MGAT4C: variants seen among roughly 807,000 people sequenced by gnomAD.
MGAT4C encodes the protein MGAT4 family member C, also known as alpha-1,3-mannosyl-glycoprotein 4-beta-N-acetylglucosaminyltransferase C.
In MGAT4C, 19 loss-of-function variants were observed where a neutral mutation model predicts 40.1. That is an observed-to-expected ratio of 0.47 (90% CI 0.33 to 0.70). The LOEUF (loss-of-function observed/expected upper bound fraction) is 0.70, where lower values mean the gene tolerates loss of function less well. MGAT4C is among the 30% of genes least tolerant of loss of function. The pLI is 0.02. For synonymous variants in MGAT4C, 181 were observed against 187.1 expected (o/e 0.97, Z 0.27); for missense variants, 491 against 563.2 (o/e 0.87, Z 1.30).
chr12:86,407,548 T>C (rs1415369542), intron 3 of MGAT4C, among the ~76,000 whole-genome samples: 3 of 152,110 alleles, frequency 2.0e-5, no homozygotes, highest in Admixed American at 1.3e-4. Flanking sequence ...TAGAAATGCA[T>C]ACTCTATTGT....
At chr12:86,568,124 T>C (rs75297473) in intron 2 of MGAT4C, among the ~76,000 whole-genome samples, 4,158 of 152,194 alleles carry the variant, frequency 0.027, 154 homozygotes, top group African/African-American at 0.086. Flanking sequence ...CAAAGCATTG[T>C]TCCTGGGTTT....
chr12:86,785,179 A>G (rs1951911471), intron 1 of MGAT4C, among the ~76,000 whole-genome samples: 1 of 152,074 alleles, frequency 6.6e-6, no homozygotes, highest in South Asian at 2.1e-4. Flanking sequence ...AAATATGAGA[A>G]AACTAAGCTA....
At chr12:86,706,851 G>A (rs1248378527) in intron 2 of MGAT4C, among the ~76,000 whole-genome samples, 1 of 152,134 alleles carries the variant, frequency 6.6e-6, no homozygotes, top group Non-Finnish European at 1.5e-5. Flanking sequence ...CACATGTTGT[G>A]GGAGGGACCT....
At chr12:86,805,596 T>A (rs934650042) in intron 1 of MGAT4C, among the ~76,000 whole-genome samples, 1 of 152,080 alleles carries the variant, frequency 6.6e-6, no homozygotes, top group African/African-American at 2.4e-5. Flanking sequence ...ATGTGCTACA[T>A]TTTCTTTATC....
intron 1 of MGAT4C, among the ~76,000 whole-genome samples, chr12:86,756,279 G>A (rs896669245): frequency 3.3e-5 from 5 of 152,086 alleles, no homozygotes; most frequent in Admixed American, 2.6e-4. Context: ...GCAGGATAAA[G>A]TTCTCTGGTA....
intron 2 of MGAT4C, among the ~76,000 whole-genome samples, chr12:86,047,626 T>A (rs1808903559): frequency 6.6e-6 from 1 of 151,994 alleles, no homozygotes; most frequent in South Asian, 2.1e-4. Flanking sequence ...TAGCAAATGC[T>A]CTCCCTCATA....
chr12:86,499,473 A>T (rs1958298244), intron 2 of MGAT4C, among the ~76,000 whole-genome samples: 1 of 151,796 alleles, frequency 6.6e-6, no homozygotes, highest in African/African-American at 2.4e-5. Context: ...CTAAGTGAGA[A>T]AACAAAACAA....
chr12:86,653,862 A>C lies in MGAT4C; in HGVS notation c.-229+73347T>G, dbSNP rs150478115. Among the ~76,000 whole-genome samples the C allele has an allele frequency of 8.7e-3, 1,325 of 152,098 alleles. 8 individuals are homozygous for C. Among genetic ancestry groups the C allele is most frequent in the Middle Eastern group, 0.017 (5 of 292 alleles). ...ATAAAATTAAATGTGGATTAAATTA[A>C]ATATCAATTTTAAAGGACATTTTTC... On this transcript the variant is annotated intron_variant, in intron 2 of 7. Coordinates refer to the MGAT4C transcript ENST00000548651.
In MGAT4C at chr12:86,101,877, G is replaced by T. The variant is rs73379414; in HGVS notation, c.-56-52154C>A. 3.5e-3 allele frequency among the ~76,000 whole-genome samples: 526 copies of T among 151,966 alleles called. 1 individual carries two copies. Among genetic ancestry groups the T allele is most frequent in the African/African-American group, 0.012 (512 of 41,530 alleles). On this transcript the variant is annotated intron_variant, in intron 1 of 4. Transcript: ENST00000611864. ...TTGTCTTTGTGAACTAAAATTAACA[G>T]GATCAAAGTCTTAAATTCCCAAGTT... is the stretch of plus-strand genomic sequence containing the variant.
At chr12:86,574,245 C>G (rs1413755104) in intron 2 of MGAT4C, among the ~76,000 whole-genome samples, 1 of 151,630 alleles carries the variant, frequency 6.6e-6, no homozygotes, top group East Asian at 1.9e-4. Flanking sequence ...TATCAAAGAG[C>G]CTTCAGTTCC....
chr12:86,106,483 T>C (rs536873332), intron 1 of MGAT4C, among the ~76,000 whole-genome samples: 2 of 152,220 alleles, frequency 1.3e-5, no homozygotes, highest in African/African-American at 2.4e-5. Flanking sequence ...TTACATTTAT[T>C]TGGTAAAGAC....
At chr12:86,162,380 A>C (rs527827382) in intron 1 of MGAT4C, among the ~76,000 whole-genome samples, 320 of 152,288 alleles carry the variant, frequency 2.1e-3, no homozygotes, top group African/African-American at 6.7e-3. Context: ...ATCTTAAGCA[A>C]ATTAATGAAG....
chr12:86,172,982 C>T (rs1478155550), intron 1 of MGAT4C, among the ~76,000 whole-genome samples: 1 of 151,920 alleles, frequency 6.6e-6, no homozygotes, highest in Non-Finnish European at 1.5e-5. Context: ...AAATTATATG[C>T]ATAGAGGGCC....
chr12:86,611,343 T>C (rs1376041195), intron 2 of MGAT4C, among the ~76,000 whole-genome samples: 2 of 151,708 alleles, frequency 1.3e-5, no homozygotes, highest in Non-Finnish European at 2.9e-5. Flanking sequence ...CACACACGTA[T>C]GATAGATAGA....
Position 86,799,430 on chromosome 12 carries a change from T to C in MGAT4C, c.-262+39236A>G, listed in dbSNP as rs1952186193. On this transcript the variant is annotated intron_variant, in intron 1 of 7. Coordinates refer to the MGAT4C transcript ENST00000548651. ...AGGAAGAATATTCTCTGACATGCAT[T>C]ATTTCCTATGTGGATACTGCAAAGG... Among the ~76,000 whole-genome samples the C allele has an allele frequency of 2.0e-5, 3 of 152,014 alleles. No individual in the cohort carries two copies. In the South Asian group the frequency reaches 6.2e-4, roughly 32 times the overall value.
intron 1 of MGAT4C, among the ~76,000 whole-genome samples, chr12:86,774,558 T>C (rs1951720448): frequency 6.6e-6 from 1 of 151,986 alleles, no homozygotes; most frequent in South Asian, 2.1e-4. Context: ...CAAATGACTA[T>C]AATTATTCTA....
At chr12:86,805,025 A>G (rs1372663488) in intron 1 of MGAT4C, among the ~76,000 whole-genome samples, 1 of 151,992 alleles carries the variant, frequency 6.6e-6, no homozygotes, top group African/African-American at 2.4e-5. Context: ...GGAGTTGCCA[A>G]ATTTCTCTAC....
At chr12:86,498,017 G>A (rs1256890552) in intron 2 of MGAT4C, among the ~76,000 whole-genome samples, 1 of 131,688 alleles carries the variant, frequency 7.6e-6, no homozygotes, top group African/African-American at 2.8e-5. Flanking sequence ...AATCTTTTTT[G>A]GTTTTTGAAT....
intron 2 of MGAT4C, among the ~76,000 whole-genome samples, chr12:86,592,155 T>G (rs2136449646): frequency 6.6e-6 from 1 of 152,250 alleles, no homozygotes; most frequent in African/African-American, 2.4e-5. Flanking sequence ...GGTCTAATAT[T>G]TATTTTATCA....
Sources: gnomAD v4.1 joint callset for allele counts (sites outside exome capture counted in the v4.1 genomes callset) on GRCh38, gnomAD v4.1.1 for gene constraint, MANE v1.5 for transcripts, NCBI Gene and HGNC (gene_info 2026-07-23, HGNC 2026-07-21) for gene names.